The following EML3 variants were observed in gnomAD, a reference collection of about 807,000 sequenced individuals.
EML3 encodes echinoderm microtubule-associated protein-like 3.
A neutral mutation model predicts 106.7 loss-of-function variants in EML3; 53 were observed. That is an observed-to-expected ratio of 0.50 (90% CI 0.40 to 0.62). The LOEUF (loss-of-function observed/expected upper bound fraction) is 0.62. Ranked by LOEUF, EML3 falls within the 20% of genes least tolerant of loss-of-function variation. The pLI, the probability that EML3 is intolerant of heterozygous loss-of-function variation, is 0.00. For synonymous variants in EML3, 499 were observed against 489.6 expected (o/e 1.02, Z -0.25); for missense variants, 994 against 1,209.1 (o/e 0.82, Z 2.64).
intron 20 of EML3, 75 bp from the exon 21 acceptor site, chr11:62,602,964 G>A (rs1590739558): frequency 6.8e-7 from 1 of 1,471,322 alleles, no homozygotes; most frequent in Non-Finnish European, 9.0e-7. Context: ...CATTTCAGGC[G>A]CTCCGGCAGC....
chr11:62,606,910 G>A, intron 12 of EML3, 48 bp downstream of exon 12: 2 of 1,468,218 alleles, frequency 1.4e-6, no homozygotes, highest in Non-Finnish European at 9.3e-7. Context: ...TGTTCCCACA[G>A]AACCTCTGGA....
rs1223153671 is a variant in EML3, at chr11:62,606,414, A to T, written c.1505-200T>A. 4 of 688,646 alleles carry T rather than the reference A, an allele frequency of 5.8e-6. No homozygotes were observed. In the African/African-American group the frequency reaches 7.2e-5, roughly 12 times the overall value. 42.7% of individuals were successfully genotyped at this position (688,646 alleles called of 1,614,324 possible). On this transcript the variant is annotated intron_variant, in intron 12 of 21. Transcript: ENST00000394773. ...AACTGAGACTCACAGAAATGAGGTA[A>T]CTTCCTAAAGGCAAGGCAACTAATA...
chr11:62,612,101 G>A, intron 1 of EML3: 1 of 454,750 alleles, frequency 2.2e-6, no homozygotes, highest in Non-Finnish European at 3.9e-6. Context: ...TGTGAGTGGT[G>A]AGCAGAGTCA....
At position 62,605,277 on chromosome 11, in the gene EML3, C is replaced by T; in HGVS notation, c.1915-97G>A. The T allele has an allele frequency of 7.9e-7, 1 of 1,273,242 alleles. No homozygotes were observed. Among genetic ancestry groups the T allele is most frequent in the African/African-American group, 1.5e-5 (1 of 67,248 alleles). 78.9% of individuals were successfully genotyped at this position (1,273,242 alleles called of 1,614,324 possible). On this transcript the variant is annotated intron_variant, in intron 15 of 21. Transcript: ENST00000394773. This position sits in a 1 kb window ranked among gnomAD's most constrained non-coding sequence, Gnocchi z 5.2. ...TCCTAACTTCAAAGCCACTTACTCC[C>T]AAGGAGAAGATGGGAAGAGAGGGAA...
Position 62,609,660 on chromosome 11 carries a change from GC to G in EML3, c.602del (p.Gly201AlafsTer16). Reference sequence around the variant, plus strand: ...TGTAATTGCTCCTCCGAGATCCAGGGCCCCCAGGGCTGGAGAGGGGGTCTTT... The same window carrying G: ...TGTAATTGCTCCTCCGAGATCCAGGGCCCCAGGGCTGGAGAGGGGGTCTTT... ...GGKDPLSSPG[G>X]PGSRRSNYNL... On this transcript the variant is annotated frameshift_variant, in exon 5 of 22. Coordinates refer to ENST00000394773, the MANE Select transcript of EML3 (RefSeq NM_153265.3). LOFTEE classifies it high-confidence loss of function. 2 of 1,607,804 alleles carry G rather than the reference GC, an allele frequency of 1.2e-6. No individual in the cohort carries two copies. Among genetic ancestry groups the G allele is most frequent in the Non-Finnish European group, 1.7e-6 (2 of 1,177,276 alleles).
At chr11:62,606,573 C>G (rs1329922618) in intron 12 of EML3, among the ~76,000 whole-genome samples, 3 of 152,200 alleles carry the variant, frequency 2.0e-5, no homozygotes, top group Non-Finnish European at 1.5e-5. Context: ...GGTGGGAAAC[C>G]TGGCTGGGCG....
rs1417999372 is a variant in EML3, at chr11:62,605,737, G to C, written c.1819C>G (p.Pro607Ala). Residue 607 changes from proline to alanine, a missense_variant, in exon 15 of 22, where the codon CCC (proline) becomes GCC (alanine). Physicochemically the swap from Pro to Ala is conservative, Grantham distance 27 (BLOSUM62 -1). This residue lies in a region of EML3 where 713 missense variants were observed against 920.5 expected (regional missense o/e 0.77). Transcript: ENST00000394773. The surrounding 1 kb of genome is among the most constrained non-coding windows in gnomAD (Gnocchi z 5.2). ...TDELWGLCTH[P>A]SQNRFLTCGH... is the part of the protein sequence containing the mutation. ...CAGGTGAGGAAGCGGTTCTGGGAGG[G>C]GTGTGTGCAGAGCCCCCAGAGCTCA... 6.3e-7 allele frequency: 1 copy of C among 1,599,596 alleles called. No homozygotes were observed. Among genetic ancestry groups the C allele is most frequent in the South Asian group, 1.1e-5 (1 of 88,466 alleles).
rs1406088112 is a variant in EML3, at chr11:62,606,073, T to C, written c.1646A>G (p.Gln549Arg). 1 of 1,613,886 alleles carries C rather than the reference T, an allele frequency of 6.2e-7. No homozygotes were observed. The highest frequency in any genetic ancestry group is 2.2e-5 in the East Asian group (1 of 44,892). ...VQWGPGLVAL[Q>R]EAEIPEHFGA... ...CAGCCCAGCCCTCACCTCAGCCTCC[T>C]GGAGGGCCACCAACCCGGGCCCCCA... Residue 549 changes from glutamine to arginine, a missense_variant, in exon 13 of 22, where the codon CAG (glutamine) becomes CGG (arginine). Gln to Arg is a conservative substitution (Grantham distance 43). This residue lies in a region of EML3 where 713 missense variants were observed against 920.5 expected (regional missense o/e 0.77). Coordinates refer to ENST00000394773, the MANE Select transcript of EML3 (RefSeq NM_153265.3).
chr11:62,609,482 A>G lies in EML3; in HGVS notation c.635-5T>C. ...ACATCTTCACTGAGATGCCTTCTAC[A>G]GAGAAAAGGGGTGGTGTCAACTACC... is the stretch of plus-strand genomic sequence containing the variant. On this transcript the variant is annotated splice_polypyrimidine_tract_variant and splice_region_variant and intron_variant, in intron 5 of 21. Transcript: ENST00000394773. The G allele has an allele frequency of 1.3e-6, 2 of 1,563,656 alleles. No individual in the cohort carries two copies. Among genetic ancestry groups the G allele is most frequent in the Non-Finnish European group, 1.7e-6 (2 of 1,153,430 alleles).
At position 62,609,631 on chromosome 11, in the gene EML3, A is replaced by G. The variant is rs746585959; in HGVS notation, c.632T>C (p.Leu211Ser). Residue 211 changes from leucine to serine, a missense_variant and splice_region_variant, in exon 5 of 22, where the codon TTG becomes TCG. Leu to Ser is a moderately radical substitution (Grantham distance 145, BLOSUM62 -2). Transcript: ENST00000394773. Reference protein sequence around the residue: ...GPGSRRSNYNLEGISVKMFLR... With the variant: ...GPGSRRSNYNSEGISVKMFLR... ...CCTCTCTGTCCCTCTTTACATACCCAAATTGTAATTGCTCCTCCGAGATCC... is the reference window on the plus strand; with the variant it reads ...CCTCTCTGTCCCTCTTTACATACCCGAATTGTAATTGCTCCTCCGAGATCC... 1 of 1,607,506 alleles carries G rather than the reference A, an allele frequency of 6.2e-7. No individual in the cohort carries two copies. Among genetic ancestry groups the G allele is most frequent in the Non-Finnish European group, 8.5e-7 (1 of 1,177,002 alleles).
rs1241648379 is a variant in EML3, at chr11:62,610,995, G to A, written c.453-3C>T. 6.2e-7 allele frequency: 1 copy of A among 1,612,844 alleles called. No individual in the cohort carries two copies. Among genetic ancestry groups the A allele is most frequent in the Admixed American group, 1.7e-5 (1 of 59,920 alleles). ...AGGAGGAAGAATTTCTTCGCGGCCT[G>A]GTGGGGGCATAGTGAAGGTCATTCC... On this transcript the variant is annotated splice_polypyrimidine_tract_variant and splice_region_variant and intron_variant, in intron 3 of 21. Transcript: ENST00000394773.
chr11:62,605,499 T>G lies in EML3; in HGVS notation c.1914+143A>C. The G allele has an allele frequency of 1.7e-6, 2 of 1,198,690 alleles. No individual in the cohort carries two copies. Among genetic ancestry groups the G allele is most frequent in the Non-Finnish European group, 2.3e-6 (2 of 874,484 alleles). 74.3% of individuals were successfully genotyped at this position (1,198,690 alleles called of 1,614,324 possible). The stretch of plus-strand genomic sequence containing the variant: ...GCTTTTACCAGTCAGTACAGAAAAA[T>G]TAATATTTGAGTAGCCAGTGCAGCC... On this transcript the variant is annotated intron_variant, in intron 15 of 21. Coordinates refer to ENST00000394773, the MANE Select transcript of EML3 (RefSeq NM_153265.3). This position sits in a 1 kb window ranked among gnomAD's most constrained non-coding sequence, Gnocchi z 5.2.
In EML3 at chr11:62,602,531, G is replaced by A. The variant is rs1404461315; in HGVS notation, c.2635C>T (p.Pro879Ser). ...VLGAGGAGPAPATPSRTPSLS... is the reference protein window; with the variant it reads ...VLGAGGAGPASATPSRTPSLS... ...GAGGGGGTTCGAGAGGGCGTGGCGGGCGCCGGCCCCGCGCCCCCAGCGCCC... is the reference window on the plus strand; with the variant it reads ...GAGGGGGTTCGAGAGGGCGTGGCGGACGCCGGCCCCGCGCCCCCAGCGCCC... The change falls in exon 22 of 22, where the codon CCC becomes TCC. Residue 879 changes from proline to serine, a missense_variant. Transcript: ENST00000394773. The A allele has an allele frequency of 1.3e-6, 2 of 1,492,568 alleles. No individual in the cohort carries two copies. Among genetic ancestry groups the A allele is most frequent in the South Asian group, 1.3e-5 (1 of 74,694 alleles). 92.5% of individuals were successfully genotyped at this position (1,492,568 alleles called of 1,614,324 possible).
chr11:62,605,455 G>T lies in EML3; in HGVS notation c.1914+187C>A. On this transcript the variant is annotated intron_variant, in intron 15 of 21. Transcript: ENST00000394773. The surrounding 1 kb of genome is among the most constrained non-coding windows in gnomAD (Gnocchi z 5.2). Reference sequence around the variant, plus strand: ...TTCTGGGGGCGGCAGGGAGTGCCCAGGTGGTACTAGAAGCATCAGCTTTTA... The same window carrying T: ...TTCTGGGGGCGGCAGGGAGTGCCCATGTGGTACTAGAAGCATCAGCTTTTA... 1.2e-6 allele frequency: 1 copy of T among 857,328 alleles called. No individual in the cohort carries two copies. Among genetic ancestry groups the T allele is most frequent in the Non-Finnish European group, 1.7e-6 (1 of 578,914 alleles). The allele number at this position is 857,328 out of a possible 1,614,324, so 53.1% of individuals were successfully genotyped here.
rs900336089 is a variant in EML3, at chr11:62,603,892, CCT to C, written c.2169+50_2169+51del. On this transcript the variant is annotated intron_variant, in intron 18 of 21. Coordinates refer to ENST00000394773, the MANE Select transcript of EML3 (RefSeq NM_153265.3). Reference sequence around the variant, plus strand: ...CAGAGCCCCCTTGATGCATCAGACCCCTGAGTTTCGCAGCTGTTATCATGCCC... The same window carrying C: ...CAGAGCCCCCTTGATGCATCAGACCCGAGTTTCGCAGCTGTTATCATGCCC... 185 of 1,612,014 alleles carry C rather than the reference CCT, an allele frequency of 1.1e-4. 1 individual carries two copies. Among genetic ancestry groups the C allele is most frequent in the South Asian group, 4.7e-4 (43 of 91,012 alleles).
chr11:62,610,445 G>A (rs533212570), intron 4 of EML3, among the ~76,000 whole-genome samples: 14 of 152,186 alleles, frequency 9.2e-5, no homozygotes, highest in Non-Finnish European at 1.8e-4. Flanking sequence ...AAAGAGGGCT[G>A]AAGCTCTAGG....
chr11:62,607,254 C>A, intron 11 of EML3, 155 bp from the exon 12 acceptor site: 3 of 835,210 alleles, frequency 3.6e-6, no homozygotes, highest in Non-Finnish European at 3.7e-6. Context: ...TTGTGACCAG[C>A]CTGGCCAATA....
chr11:62,608,132 G>A (rs1942624924), intron 10 of EML3, 69 bp downstream of exon 10: 2 of 1,445,556 alleles, frequency 1.4e-6, no homozygotes, highest in African/African-American at 1.4e-5. Flanking sequence ...GGGTGAGTCT[G>A]GAGCTCCCTG....
chr11:62,606,946 C>T lies in EML3; in HGVS notation c.1504+12G>A. Reference sequence around the variant, plus strand: ...GTACTACACTTCCCAGATGCCCCTCCCAGCCACATACCTTTGGCGCCACCC... The same window carrying T: ...GTACTACACTTCCCAGATGCCCCTCTCAGCCACATACCTTTGGCGCCACCC... On this transcript the variant is annotated intron_variant, in intron 12 of 21. Transcript: ENST00000394773. 4 of 1,612,666 alleles carry T rather than the reference C, an allele frequency of 2.5e-6. No homozygotes were observed. The highest frequency in any genetic ancestry group is 3.4e-6 in the Non-Finnish European group (4 of 1,179,172).
Sources: gnomAD v4.1 joint callset for allele counts (sites outside exome capture counted in the v4.1 genomes callset) on GRCh38, gnomAD v4.1.1 for gene constraint, gnomAD v4.1.1 regional missense constraint, Gnocchi (gnomAD v3.1) non-coding constraint, MANE v1.5 for transcripts, NCBI Gene and HGNC (gene_info 2026-07-23, HGNC 2026-07-21) for gene names.